The following CDH12 variants were observed in gnomAD, a reference collection of about 807,000 sequenced individuals.
CDH12 encodes cadherin-12.
In CDH12, 41 loss-of-function variants were observed where a neutral mutation model predicts 74.1. The observed-to-expected ratio is 0.55, with a 90% CI of 0.43 to 0.72. The LOEUF is 0.72. Ranked by LOEUF, CDH12 falls within the 30% of genes least tolerant of loss-of-function variation. The pLI, the probability that CDH12 is intolerant of heterozygous loss-of-function variation, is 0.00. For missense variants in CDH12, 945 were observed against 977.2 expected, an observed-to-expected ratio of 0.97 and a Z score of 0.44; for synonymous variants, 399 against 355.0, an observed-to-expected ratio of 1.12 and a Z score of -1.39.
At chr5:22,785,598 C>T (rs1271749561) in intron 1 of CDH12, among the ~76,000 whole-genome samples, 1 of 152,120 alleles carries the variant, frequency 6.6e-6, no homozygotes, top group Non-Finnish European at 1.5e-5. Flanking sequence ...CAGCTCATTG[C>T]AGCCTTGCCT....
At chr5:22,249,172 C>T (rs912204083) in intron 3 of CDH12, among the ~76,000 whole-genome samples, 1 of 152,076 alleles carries the variant, frequency 6.6e-6, no homozygotes, top group East Asian at 1.9e-4. Flanking sequence ...ATCACTGGAC[C>T]ATAGTGTCAA....
intron 2 of CDH12, among the ~76,000 whole-genome samples, chr5:22,482,759 T>C (rs1190641979): frequency 6.6e-6 from 1 of 152,208 alleles, no homozygotes; most frequent in Non-Finnish European, 1.5e-5. Context: ...TAAGCCTACA[T>C]GCCATCATCA....
At chr5:22,217,171 T>C (rs934266054) in intron 3 of CDH12, among the ~76,000 whole-genome samples, 3 of 151,742 alleles carry the variant, frequency 2.0e-5, no homozygotes, top group African/African-American at 7.2e-5. Flanking sequence ...TGATGTGAAA[T>C]TGTAAATGGA....
intron 1 of CDH12, among the ~76,000 whole-genome samples, chr5:22,535,267 A>C (rs1328496700): frequency 2.2e-5 from 3 of 137,100 alleles, no homozygotes; most frequent in African/African-American, 8.4e-5. Context: ...CCATTCTCCT[A>C]CTTCAGCCTC....
chr5:22,200,990 G>C (rs189705593), intron 4 of CDH12, among the ~76,000 whole-genome samples: 93 of 152,260 alleles, frequency 6.1e-4, no homozygotes, highest in Middle Eastern at 6.8e-3. Flanking sequence ...CACTCCACTT[G>C]TAGGGGCCAA....
At chr5:22,563,613 CTTA>C (rs1022258677) in intron 1 of CDH12, among the ~76,000 whole-genome samples, 3 of 152,024 alleles carry the variant, frequency 2.0e-5, no homozygotes, top group African/African-American at 7.2e-5. Context: ...ATTCTACTTC[CTTA>C]TTATTTTTAT....
chr5:22,057,600 A>G (rs1310849175), intron 5 of CDH12, among the ~76,000 whole-genome samples: 1 of 152,142 alleles, frequency 6.6e-6, no homozygotes, highest in Non-Finnish European at 1.5e-5. Context: ...AGGTACAGGG[A>G]AACTGGGGAC....
chr5:21,764,604 G>A (rs553973337), intron 12 of CDH12, among the ~76,000 whole-genome samples: 3 of 133,382 alleles, frequency 2.2e-5, no homozygotes, highest in African/African-American at 8.5e-5. Context: ...AGCCAAGAAT[G>A]TGCCATTACA....
At chr5:22,224,221 C>A (rs1227566252) in intron 3 of CDH12, among the ~76,000 whole-genome samples, 2 of 152,010 alleles carry the variant, frequency 1.3e-5, no homozygotes, top group Non-Finnish European at 2.9e-5. Context: ...ATAACATGTT[C>A]TTTTTATACT....
At chr5:22,547,476 C>G (rs1160923768) in intron 1 of CDH12, among the ~76,000 whole-genome samples, 2 of 152,112 alleles carry the variant, frequency 1.3e-5, no homozygotes, top group East Asian at 3.9e-4. Flanking sequence ...TTGTCATATA[C>G]TATTATATTT....
intron 9 of CDH12, among the ~76,000 whole-genome samples, chr5:21,816,624 CA>C (rs542222336): frequency 0.04 from 710 of 17,746 alleles, no homozygotes; most frequent in South Asian, 0.14. Context: ...AACTCCATCT[CA>C]AAAAAAAAAA....
intron 1 of CDH12, among the ~76,000 whole-genome samples, chr5:22,773,478 C>T (rs1189075701): frequency 2.0e-5 from 3 of 152,072 alleles, no homozygotes; most frequent in Non-Finnish European, 4.4e-5. Context: ...TCTCTCCTTT[C>T]ACCATATATA....
intron 4 of CDH12, among the ~76,000 whole-genome samples, chr5:22,092,825 A>G (rs1031076604): frequency 6.6e-6 from 1 of 152,222 alleles, no homozygotes; most frequent in Admixed American, 6.5e-5. Flanking sequence ...ATTATTAATC[A>G]TAGCCGAACA....
At chr5:22,006,989 T>C (rs1737003488) in intron 5 of CDH12, among the ~76,000 whole-genome samples, 1 of 152,122 alleles carries the variant, frequency 6.6e-6, no homozygotes, top group South Asian at 2.1e-4. Flanking sequence ...CATAGGCCAA[T>C]ATTAAAGAGA....
chr5:22,793,723 G>C (rs1379259540), intron 1 of CDH12, among the ~76,000 whole-genome samples: 1 of 150,490 alleles, frequency 6.6e-6, no homozygotes, highest in African/African-American at 2.4e-5. Context: ...CATAAAGCCT[G>C]ATCTCATCAT....
intron 1 of CDH12, among the ~76,000 whole-genome samples, chr5:22,831,371 C>CTG (rs70959760): frequency 0.18 from 25,775 of 146,528 alleles, 2,335 homozygotes; most frequent in East Asian, 0.2. Flanking sequence ...GTGTGTGTGT[C>CTG]TGTGTGTGTG....
intron 3 of CDH12, among the ~76,000 whole-genome samples, chr5:22,341,509 T>G (rs919159053): frequency 2.0e-5 from 3 of 152,134 alleles, no homozygotes; most frequent in African/African-American, 7.2e-5. Flanking sequence ...ATCATGATTT[T>G]GATTATGACC....
chr5:22,073,949 C>G (rs1189877877), intron 5 of CDH12, among the ~76,000 whole-genome samples: 1 of 152,032 alleles, frequency 6.6e-6, no homozygotes, highest in Non-Finnish European at 1.5e-5. Context: ...TACCAAGAAC[C>G]AGAAAGTCAT....
At chr5:22,732,765 G>A (rs1744495888) in intron 1 of CDH12, among the ~76,000 whole-genome samples, 1 of 151,650 alleles carries the variant, frequency 6.6e-6, no homozygotes, top group Admixed American at 6.6e-5. Context: ...GAGAAGTATG[G>A]GGCAGATTCT....
Sources: gnomAD v4.1 joint callset for allele counts (sites outside exome capture counted in the v4.1 genomes callset) on GRCh38, gnomAD v4.1.1 for gene constraint, MANE v1.5 for transcripts, NCBI Gene and HGNC (gene_info 2026-07-23, HGNC 2026-07-21) for gene names.